Variants in C5AR1 observed in about 807,000 individuals in gnomAD.
C5AR1 encodes the protein complement C5a receptor 1.
C5AR1 carries 4 observed loss-of-function variants against 2.4 expected under a neutral mutation model. The ratio of observed to expected loss-of-function variants is 1.65; its 90% CI spans 0.81 to 3.77. The LOEUF (loss-of-function observed/expected upper bound fraction) is 3.77, where lower values mean the gene tolerates loss of function less well. C5AR1 is among the 30% of genes most tolerant of loss of function. The pLI is 0.01. For synonymous variants in C5AR1, 209 were observed against 210.4 expected (o/e 0.99, Z 0.06); for missense variants, 418 against 462.5 (o/e 0.90, Z 0.88).
upstream of C5AR1, among the ~76,000 whole-genome samples, chr19:47,308,681 G>T (rs1179942524): frequency 6.6e-6 from 1 of 150,912 alleles, no homozygotes; most frequent in Non-Finnish European, 1.5e-5. Flanking sequence ...TCAGCCTTCT[G>T]AGTAGCTGAG....
rs201922905 is a variant in C5AR1, at chr19:47,309,874, G to C, written c.-22G>C. The C allele has an allele frequency of 1.6e-5, 25 of 1,611,448 alleles. No homozygotes were observed. The highest frequency in any genetic ancestry group is 2.1e-5 in the Non-Finnish European group (25 of 1,178,996). On this transcript the variant is annotated 5_prime_UTR_variant, in exon 1 of 2. Transcript: ENST00000355085. Reference sequence around the variant, plus strand: ...TGGGCAGGAGGGACCTTCGATCCTCGGGGAGCCCAGGAGACCAGAACATGG... The same window carrying C: ...TGGGCAGGAGGGACCTTCGATCCTCCGGGAGCCCAGGAGACCAGAACATGG...
chr19:47,320,926 C>T lies in C5AR1; in HGVS notation c.*96C>T. 1.9e-6 allele frequency: 2 copies of T among 1,044,430 alleles called. No homozygotes were observed. The highest frequency in any genetic ancestry group is 2.7e-6 in the Non-Finnish European group (2 of 727,996). 64.7% of individuals were successfully genotyped at this position (1,044,430 alleles called of 1,614,324 possible). The stretch of plus-strand genomic sequence containing the variant: ...TTCACTTTTCGTGGGATGGTGTTAC[C>T]TTAGCTAACTAACTCTCCTCCATGT... On this transcript the variant is annotated 3_prime_UTR_variant, in exon 2 of 2. Coordinates refer to ENST00000355085, the MANE Select transcript of C5AR1 (RefSeq NM_001736.4). The surrounding 1 kb of genome is among the most constrained non-coding windows in gnomAD (Gnocchi z 4.9).
intron 1 of C5AR1, among the ~76,000 whole-genome samples, chr19:47,313,938 A>G (rs1362071783): frequency 6.6e-6 from 1 of 152,118 alleles, no homozygotes; most frequent in South Asian, 2.1e-4. Flanking sequence ...TCAATGAGAT[A>G]ATACACGAGA....
chr19:47,313,193 G>A (rs930673288), intron 1 of C5AR1, among the ~76,000 whole-genome samples: 1 of 151,932 alleles, frequency 6.6e-6, no homozygotes, highest in African/African-American at 2.4e-5. Flanking sequence ...GGCCAGGCTG[G>A]TCTCGAACTC....
At position 47,321,191 on chromosome 19, in the gene C5AR1, G is replaced by T. The variant is rs867902698; in HGVS notation, c.*361G>T. Reference sequence around the variant, plus strand: ...AATACAGACAAGTAGAAAGATTCTCGCTTAAAAAAAATGTATTTATTTTAT... The same window carrying T: ...AATACAGACAAGTAGAAAGATTCTCTCTTAAAAAAAATGTATTTATTTTAT... On this transcript the variant is annotated 3_prime_UTR_variant, in exon 2 of 2. Transcript: ENST00000355085. 9.8e-5 allele frequency: 1 copy of T among 10,190 alleles called. No homozygotes were observed. The highest frequency in any genetic ancestry group is 1.2e-3 in the Admixed American group (1 of 852). The allele number at this position is 10,190 out of a possible 1,614,324, so 0.6% of individuals were successfully genotyped here. A position where few individuals can be genotyped will look rare whatever the true frequency, so the allele number is the denominator to read the frequency against.
intron 1 of C5AR1, among the ~76,000 whole-genome samples, chr19:47,314,551 C>G (rs2059280106): frequency 6.6e-6 from 1 of 151,866 alleles, no homozygotes; most frequent in African/African-American, 2.4e-5. Flanking sequence ...GCGCACGCCA[C>G]CACTCCTGGC....
intron 1 of C5AR1, among the ~76,000 whole-genome samples, chr19:47,313,985 C>G (rs1027860855): frequency 1.3e-5 from 2 of 152,078 alleles, no homozygotes; most frequent in Admixed American, 1.3e-4. Context: ...TATGGCTGTT[C>G]TTGTAGGTAC....
At chr19:47,308,144 C>T (rs1026643913), upstream of C5AR1, among the ~76,000 whole-genome samples, 6 of 131,226 alleles carry the variant, frequency 4.6e-5, no homozygotes, top group African/African-American at 1.8e-4. Context: ...ACCTGGGAGG[C>T]GGAGGTTGCA....
chr19:47,320,874 C>T lies in C5AR1; in HGVS notation c.*44C>T. The T allele has an allele frequency of 6.6e-7, 1 of 1,514,738 alleles. No individual in the cohort carries two copies. The highest frequency in any genetic ancestry group is 9.0e-7 in the Non-Finnish European group (1 of 1,115,070). 93.8% of individuals were successfully genotyped at this position (1,514,738 alleles called of 1,614,324 possible). On this transcript the variant is annotated 3_prime_UTR_variant, in exon 2 of 2. Transcript: ENST00000355085. The surrounding 1 kb of genome is among the most constrained non-coding windows in gnomAD (Gnocchi z 4.9). ...ACTGTGGCCCGATGTCCCCTTCCTT[C>T]CCGGCCATTCTCCCTCTTGTTTTCA...
chr19:47,313,091 G>A (rs1221042465), intron 1 of C5AR1, among the ~76,000 whole-genome samples: 5 of 151,076 alleles, frequency 3.3e-5, no homozygotes, highest in Non-Finnish European at 3.0e-5. Flanking sequence ...CTCCTGCCTC[G>A]GCCTCCCAAG....
intron 1 of C5AR1, among the ~76,000 whole-genome samples, chr19:47,316,152 C>G (rs559687089): frequency 1.1e-3 from 162 of 152,054 alleles, no homozygotes; most frequent in Middle Eastern, 3.4e-3. Context: ...ACTACAGGCA[C>G]ACACCACTGG....
intron 1 of C5AR1, among the ~76,000 whole-genome samples, chr19:47,315,956 CATCT>C (rs1027838703): frequency 5.3e-5 from 8 of 152,020 alleles, no homozygotes; most frequent in African/African-American, 1.2e-4. Flanking sequence ...TCCATCCATC[CATCT>C]GTCCATCGAT....
At chr19:47,319,304 A>ATTTTTTTTT (rs34731685) in intron 1 of C5AR1, among the ~76,000 whole-genome samples, 3 of 94,136 alleles carry the variant, frequency 3.2e-5, no homozygotes, top group Non-Finnish European at 5.8e-5. Flanking sequence ...GAATCATTTC[A>ATTTTTTTTT]TTTTTTTTTT....
upstream of C5AR1, among the ~76,000 whole-genome samples, chr19:47,308,523 G>A (rs73554047): frequency 3.4e-3 from 520 of 151,884 alleles, 3 homozygotes; most frequent in African/African-American, 0.012. Flanking sequence ...AACCCTAGAA[G>A]GATGATTTTT....
intron 1 of C5AR1, among the ~76,000 whole-genome samples, chr19:47,310,259 C>A (rs1458872477): frequency 6.6e-6 from 1 of 152,094 alleles, no homozygotes; most frequent in Non-Finnish European, 1.5e-5. Context: ...GTGATCCCAG[C>A]ACATTGGGGA....
chr19:47,308,212 C>CAAAAA (rs1051683773), upstream of C5AR1, among the ~76,000 whole-genome samples: 3 of 54,066 alleles, frequency 5.5e-5, no homozygotes, highest in South Asian at 1.6e-3. Flanking sequence ...GACTCCATCT[C>CAAAAA]AAAAAAAAAA....
intron 1 of C5AR1, among the ~76,000 whole-genome samples, chr19:47,317,519 A>AAAAAAAT (rs1555807017): frequency 2.2e-5 from 3 of 133,360 alleles, no homozygotes; most frequent in African/African-American, 8.1e-5. Flanking sequence ...AAAAAAAAAA[A>AAAAAAAT]ATATATATAT....
chr19:47,316,679 T>C (rs1244120869), intron 1 of C5AR1: 1 of 152,138 alleles, frequency 6.6e-6, no homozygotes, highest in African/African-American at 2.4e-5. Flanking sequence ...TTCATCCACA[T>C]TGCAGCATGT....
chr19:47,307,710 C>T (rs2059257866), upstream of C5AR1: 1 of 152,220 alleles, frequency 6.6e-6, no homozygotes, highest in African/African-American at 2.4e-5. Flanking sequence ...AATCTAGGCT[C>T]CTTCCTTGCC....
Sources: gnomAD v4.1 joint callset for allele counts (sites outside exome capture counted in the v4.1 genomes callset) on GRCh38, gnomAD v4.1.1 for gene constraint, Gnocchi (gnomAD v3.1) non-coding constraint, MANE v1.5 for transcripts, NCBI Gene and HGNC (gene_info 2026-07-23, HGNC 2026-07-21) for gene names.